The following REV1 variants were observed in gnomAD, a reference collection of about 807,000 sequenced individuals.
REV1 encodes the protein translesion synthesis protein REV1.
In REV1, 42 loss-of-function variants were observed where a neutral mutation model predicts 137.4. The ratio of observed to expected loss-of-function variants is 0.31; its 90% CI spans 0.24 to 0.40. The LOEUF (loss-of-function observed/expected upper bound fraction) is 0.40, where lower values mean the gene tolerates loss of function less well. Among genes scored for constraint, REV1 ranks in the 10% least tolerant of loss-of-function variants. The probability of loss-of-function intolerance (pLI) is 1.00; values close to 1 mark genes in which losing one functional copy is unlikely to be tolerated. For synonymous variants in REV1, 524 were observed against 519.2 expected, an observed-to-expected ratio of 1.01 and a Z score of -0.12; for missense variants, 1,282 against 1,490.1, an observed-to-expected ratio of 0.86 and a Z score of 2.30.
intron 1 of REV1, among the ~76,000 whole-genome samples, chr2:99,479,626 C>CA (rs771969836): frequency 1.4e-4 from 21 of 151,038 alleles, no homozygotes; most frequent in Middle Eastern, 3.4e-3. Flanking sequence ...CTCATCTCTA[C>CA]AAAAAAAATA....
rs147758707 is a variant in REV1, at chr2:99,424,205, G to A, written c.1623C>T (p.Tyr541=). 3.5e-5 allele frequency: 56 copies of A among 1,613,708 alleles called. No homozygotes were observed. Among genetic ancestry groups the A allele is most frequent in the African/African-American group, 1.5e-4 (11 of 74,882 alleles). The change falls in exon 10 of 23, where the codon TAC becomes TAT. Residue 541 remains tyrosine (Y), a synonymous_variant. Transcript: ENST00000258428. ...CGACTTCCTTATATGCATGAAAATC[G>A]TATGGAACAGCTTGAAGATTAGGAC... The part of the protein sequence containing the change: ...QLCPNLQAVP[Y]DFHAYKEVAQ...
At chr2:99,407,628 G>A (rs1676523019) in intron 15 of REV1, among the ~76,000 whole-genome samples, 2 of 151,824 alleles carry the variant, frequency 1.3e-5, no homozygotes, top group Non-Finnish European at 2.9e-5. Context: ...GCATCTTGAT[G>A]TGCCTGTGGT....
chr2:99,467,273 AC>A (rs1191791217), intron 1 of REV1, among the ~76,000 whole-genome samples: 1 of 152,100 alleles, frequency 6.6e-6, no homozygotes, highest in Non-Finnish European at 1.5e-5. Context: ...AAAAAAAAAA[AC>A]AGCTATTAAG....
At chr2:99,413,092 ACAGG>A (rs1677401041) in intron 12 of REV1, 141 bp from the exon 13 acceptor site, 1 of 658,926 alleles carries the variant, frequency 1.5e-6, no homozygotes, top group Non-Finnish European at 2.6e-6. Flanking sequence ...TGAAGCATCC[ACAGG>A]CTGAAGAATT....
chr2:99,407,102 TTTTTTG>T (rs1676427791), intron 15 of REV1, among the ~76,000 whole-genome samples: 2 of 139,674 alleles, frequency 1.4e-5, no homozygotes, highest in Non-Finnish European at 3.1e-5. Flanking sequence ...TTTTTTTTTT[TTTTTTG>T]AGACAGAGCC....
chr2:99,437,831 A>G lies in REV1; in HGVS notation c.1213+770T>C, dbSNP rs552885474. On this transcript the variant is annotated intron_variant, in intron 6 of 22. Transcript: ENST00000258428. ...AAAAGCATTTTTTGACTAAAAGCAC[A>G]TAGGAATACATCAAACTCAGTAAAA... is the stretch of plus-strand genomic sequence containing the variant. 8.5e-4 allele frequency among the ~76,000 whole-genome samples: 130 copies of G among 152,308 alleles called. 1 individual carries two copies. The highest frequency in any genetic ancestry group is 6.9e-3 in the Admixed American group (105 of 15,302).
intron 3 of REV1, among the ~76,000 whole-genome samples, chr2:99,458,453 A>G (rs1055887626): frequency 6.6e-6 from 1 of 152,274 alleles, no homozygotes; most frequent in Non-Finnish European, 1.5e-5. Flanking sequence ...AAGGATGCAA[A>G]GAAAGTTGAT....
intron 1 of REV1, among the ~76,000 whole-genome samples, chr2:99,469,811 T>C (rs1685199728): frequency 6.6e-6 from 1 of 152,218 alleles, no homozygotes; most frequent in Non-Finnish European, 1.5e-5. Context: ...TTTTACTATC[T>C]ACCCCGAGAA....
At chr2:99,411,768 A>G (rs993358823) in intron 13 of REV1, among the ~76,000 whole-genome samples, 29 of 151,904 alleles carry the variant, frequency 1.9e-4, no homozygotes, top group Admixed American at 3.3e-4. Context: ...AACTATGTTA[A>G]TAAGTTCTGC....
chr2:99,451,326 A>G, intron 3 of REV1: 1 of 1,204,632 alleles, frequency 8.3e-7, no homozygotes, highest in Middle Eastern at 2.4e-4. Flanking sequence ...TTCCATATAC[A>G]TACTCATAAA....
intron 3 of REV1, among the ~76,000 whole-genome samples, chr2:99,457,448 G>A (rs146901325): frequency 1.4e-3 from 206 of 152,250 alleles, no homozygotes; most frequent in African/African-American, 4.6e-3. Context: ...CTGGGAGGCC[G>A]AGGCAGGCAA....
chr2:99,478,761 A>G (rs1686256494), intron 1 of REV1, among the ~76,000 whole-genome samples: 1 of 152,132 alleles, frequency 6.6e-6, no homozygotes. Context: ...AAAACACAAG[A>G]TGCTGGGCCC....
intron 4 of REV1, among the ~76,000 whole-genome samples, chr2:99,446,918 T>C (rs1682300756): frequency 1.3e-5 from 2 of 152,068 alleles, no homozygotes; most frequent in Admixed American, 1.3e-4. Flanking sequence ...AGATAAAAAC[T>C]CTAGCTCTAG....
intron 1 of REV1, among the ~76,000 whole-genome samples, chr2:99,471,132 G>A: frequency 8.1e-6 from 1 of 123,602 alleles, no homozygotes; most frequent in Non-Finnish European, 1.8e-5. Context: ...ATCTAGGCAA[G>A]GTTGAAACAC....
At chr2:99,481,478 G>C (rs910375446) in intron 1 of REV1, among the ~76,000 whole-genome samples, 1 of 152,160 alleles carries the variant, frequency 6.6e-6, no homozygotes, top group Admixed American at 6.5e-5. Flanking sequence ...TAATACAACA[G>C]AGGTAACTGG....
At position 99,462,532 on chromosome 2, in the gene REV1, A is replaced by C; in HGVS notation, c.145T>G (p.Phe49Val). The change falls in exon 3 of 23, where the codon TTT (phenylalanine) becomes GTT (valine). Residue 49 changes from phenylalanine to valine, a missense_variant. Physicochemically the swap from Phe to Val is conservative, Grantham distance 50. Coordinates refer to ENST00000258428, the MANE Select transcript of REV1 (RefSeq NM_016316.4). ...TTAACATAGATGGCAACTCCACTAAAAATTGTAGATGAAGTCCCATCCTTC... is the reference window on the plus strand; with the variant it reads ...TTAACATAGATGGCAACTCCACTAACAATTGTAGATGAAGTCCCATCCTTC... ...MQKDGTSSTI[F>V]SGVAIYVNGY... The C allele has an allele frequency of 6.2e-7, 1 of 1,613,670 alleles. No homozygotes were observed. The highest frequency in any genetic ancestry group is 1.3e-5 in the African/African-American group (1 of 75,018).
In REV1 at chr2:99,402,811, A is replaced by G. The variant is rs1239884821; in HGVS notation, c.3385-11T>C. 5 of 1,614,078 alleles carry G rather than the reference A, an allele frequency of 3.1e-6. No homozygotes were observed. The highest frequency in any genetic ancestry group is 4.2e-6 in the Non-Finnish European group (5 of 1,179,984). On this transcript the variant is annotated splice_polypyrimidine_tract_variant and intron_variant, in intron 20 of 22. Transcript: ENST00000258428. ...AGCAGAGAGTTCTTCCTGTTAAGAA[A>G]ACAAAGGATAAAATTGCTATATTCA...
In REV1 at chr2:99,412,793, G is replaced by T; in HGVS notation, c.2110C>A (p.Arg704=). 6.2e-7 allele frequency: 1 copy of T among 1,613,960 alleles called. No homozygotes were observed. Among genetic ancestry groups the T allele is most frequent in the Non-Finnish European group, 8.5e-7 (1 of 1,179,974 alleles). Residue 704 remains arginine, a synonymous_variant, in exon 13 of 23, where the codon CGA becomes AGA. Coordinates refer to ENST00000258428, the MANE Select transcript of REV1 (RefSeq NM_016316.4). ...FCRGLDDRPV[R]TEKERKSVSA... ...ACAGATTTTCTTTCCTTTTCAGTTC[G>T]AACTGGTCTATCATCCAAGCCACGG... is the stretch of plus-strand genomic sequence containing the variant.
chr2:99,445,193 T>C (rs1170667598), intron 4 of REV1, among the ~76,000 whole-genome samples: 4 of 151,918 alleles, frequency 2.6e-5, no homozygotes, highest in African/African-American at 9.7e-5. Flanking sequence ...GCAATCAACT[T>C]TTATTTAAAT....
Sources: gnomAD v4.1 joint callset for allele counts (sites outside exome capture counted in the v4.1 genomes callset) on GRCh38, gnomAD v4.1.1 for gene constraint, MANE v1.5 for transcripts, NCBI Gene and HGNC (gene_info 2026-07-23, HGNC 2026-07-21) for gene names.